GABRA4: variants seen among roughly 807,000 people sequenced by gnomAD.
GABRA4 encodes the protein gamma-aminobutyric acid receptor subunit alpha-4.
A neutral mutation model predicts 49.7 loss-of-function variants in GABRA4; 12 were observed. The observed-to-expected ratio is 0.24, with a 90% CI of 0.15 to 0.39. The LOEUF (loss-of-function observed/expected upper bound fraction) is 0.39, where lower values mean the gene tolerates loss of function less well. Among genes scored for constraint, GABRA4 ranks in the 10% least tolerant of loss-of-function variants. The probability of loss-of-function intolerance (pLI) is 1.00; values close to 1 mark genes in which losing one functional copy is unlikely to be tolerated. For synonymous variants in GABRA4, 288 were observed against 240.2 expected (o/e 1.20, Z -1.84); for missense variants, 506 against 686.0 (o/e 0.74, Z 2.93).
intron 8 of GABRA4, among the ~76,000 whole-genome samples, chr4:46,949,430 A>G (rs1553903567): frequency 6.6e-6 from 1 of 152,060 alleles, no homozygotes; most frequent in Admixed American, 6.6e-5. Flanking sequence ...AAGCAAGGAC[A>G]TTTTTTGTTC....
At chr4:46,943,761 G>A (rs1320839134) in intron 8 of GABRA4, among the ~76,000 whole-genome samples, 1 of 152,020 alleles carries the variant, frequency 6.6e-6, no homozygotes, top group African/African-American at 2.4e-5. Context: ...CTCTGCCTGA[G>A]GGACATACTG....
chr4:46,981,490 T>G (rs1300686002), intron 2 of GABRA4, among the ~76,000 whole-genome samples: 1 of 152,112 alleles, frequency 6.6e-6, no homozygotes, highest in Non-Finnish European at 1.5e-5. Context: ...GTCCTATGGA[T>G]CTTTGAGACT....
chr4:46,942,455 A>G (rs961107413), intron 8 of GABRA4, among the ~76,000 whole-genome samples: 1 of 151,976 alleles, frequency 6.6e-6, no homozygotes, highest in Non-Finnish European at 1.5e-5. Flanking sequence ...CCCCATCTCT[A>G]CTAAAAAATA....
intron 8 of GABRA4, among the ~76,000 whole-genome samples, chr4:46,947,489 T>C (rs1240422108): frequency 6.6e-6 from 1 of 151,394 alleles, no homozygotes; most frequent in Non-Finnish European, 1.5e-5. Context: ...GCAGCTGCAC[T>C]TAGTTAAATT....
chr4:46,944,476 T>G (rs1721915938), intron 8 of GABRA4, among the ~76,000 whole-genome samples: 1 of 152,062 alleles, frequency 6.6e-6, no homozygotes. Flanking sequence ...CAGTGCTTCT[T>G]GAGAACACCT....
intron 3 of GABRA4, 102 bp from the exon 4 acceptor site, chr4:46,977,732 A>G (rs1185526284): frequency 2.7e-6 from 2 of 728,706 alleles, no homozygotes; most frequent in Non-Finnish European, 4.5e-6. Context: ...TCATAAAAAA[A>G]TACCACTCCA....
chr4:46,989,335 G>A (rs1330062157), intron 2 of GABRA4, among the ~76,000 whole-genome samples: 1 of 152,162 alleles, frequency 6.6e-6, no homozygotes, highest in Non-Finnish European at 1.5e-5. Flanking sequence ...TGGCTCCTTT[G>A]TGGAAGGCTT....
At chr4:46,930,990 A>G (rs1214235218) in intron 8 of GABRA4, among the ~76,000 whole-genome samples, 2 of 151,920 alleles carry the variant, frequency 1.3e-5, no homozygotes, top group Non-Finnish European at 2.9e-5. Flanking sequence ...AACTGAAGAG[A>G]TGAAGTTGAG....
At chr4:46,934,423 C>T (rs568866062) in intron 8 of GABRA4, among the ~76,000 whole-genome samples, 19 of 152,162 alleles carry the variant, frequency 1.2e-4, no homozygotes, top group African/African-American at 3.4e-4. Flanking sequence ...TAACACATCC[C>T]CTCCAAATAA....
At chr4:46,986,824 T>G (rs963318514) in intron 2 of GABRA4, among the ~76,000 whole-genome samples, 7 of 152,232 alleles carry the variant, frequency 4.6e-5, no homozygotes, top group African/African-American at 1.7e-4. Flanking sequence ...TCAAAAACTT[T>G]GGAATCAGCT....
intron 2 of GABRA4, among the ~76,000 whole-genome samples, chr4:46,990,738 C>T (rs1723714007): frequency 6.6e-6 from 1 of 152,154 alleles, no homozygotes; most frequent in Admixed American, 6.5e-5. Context: ...TATTTTTGAT[C>T]TAAAATGGAA....
rs1721306264 is a variant in GABRA4, at chr4:46,928,327, A to G, written c.1563T>C (p.Tyr521=). 7.4e-6 allele frequency: 12 copies of G among 1,613,608 alleles called. No individual in the cohort carries two copies. The highest frequency in any genetic ancestry group is 9.3e-6 in the Non-Finnish European group (11 of 1,179,682). Residue 521 remains tyrosine (Y), a synonymous_variant, in exon 9 of 9, where the codon TAT becomes TAC. Transcript: ENST00000264318. ...ATGTGACTGGAAAGAGAATACGGGC[A>G]TATTTGTCTATTTTACTTGTGCCAG... The part of the protein sequence containing the change: ...SGSGTSKIDK[Y]ARILFPVTFG...
At chr4:46,933,885 T>G (rs1226805188) in intron 8 of GABRA4, among the ~76,000 whole-genome samples, 1 of 152,144 alleles carries the variant, frequency 6.6e-6, no homozygotes, top group African/African-American at 2.4e-5. Flanking sequence ...AGAAAAGAGA[T>G]GCAAGGTGGT....
Position 46,921,971 on chromosome 4 carries a change from T to C in GABRA4, c.*6254A>G, listed in dbSNP as rs1721050262. On this transcript the variant is annotated 3_prime_UTR_variant, in exon 9 of 9. Transcript: ENST00000264318. ...TATCCTGCGATGTTTCAAACAAAGATGGTTTGTTTGAAACCTCTGTAAGAT... is the reference window on the plus strand; with the variant it reads ...TATCCTGCGATGTTTCAAACAAAGACGGTTTGTTTGAAACCTCTGTAAGAT... 6.6e-6 allele frequency: 1 copy of C among 152,058 alleles called. No homozygotes were observed. The allele number at this position is 152,058 out of a possible 1,614,324, so 9.4% of individuals were successfully genotyped here. A position where few individuals can be genotyped will look rare whatever the true frequency, so the allele number is the denominator to read the frequency against.
chr4:46,980,581 AAAAAGTCTG>A (rs1407719091), intron 2 of GABRA4, among the ~76,000 whole-genome samples: 5 of 152,130 alleles, frequency 3.3e-5, no homozygotes, highest in Non-Finnish European at 7.4e-5. Context: ...ATAGTAAGAG[AAAAAGTCTG>A]AATCAGGCTT....
At chr4:46,967,429 G>T (rs1363991105) in intron 7 of GABRA4, among the ~76,000 whole-genome samples, 2 of 150,786 alleles carry the variant, frequency 1.3e-5, no homozygotes, top group African/African-American at 2.4e-5. Flanking sequence ...CTCTTATCAT[G>T]TGAATAAATG....
Position 46,920,211 on chromosome 4 carries a change from C to A in GABRA4, c.*8014G>T, listed in dbSNP as rs1178149067. ...TACTTCCCTCTAAGGAAGCTGTTTT[C>A]TATGGACTTCAAGTAATAATTTGTA... On this transcript the variant is annotated 3_prime_UTR_variant, in exon 9 of 9. Transcript: ENST00000264318. The A allele has an allele frequency of 1.3e-5, 2 of 151,632 alleles. No individual in the cohort carries two copies. The highest frequency in any genetic ancestry group is 4.8e-5 in the African/African-American group (2 of 41,414). 9.4% of individuals were successfully genotyped at this position (151,632 alleles called of 1,614,324 possible). A position where few individuals can be genotyped will look rare whatever the true frequency, so the allele number is the denominator to read the frequency against.
At chr4:46,937,470 C>CT (rs1721641273) in intron 8 of GABRA4, among the ~76,000 whole-genome samples, 1 of 152,184 alleles carries the variant, frequency 6.6e-6, no homozygotes, top group Non-Finnish European at 1.5e-5. Flanking sequence ...ACGTATCACT[C>CT]TTTCTTCTTT....
intron 8 of GABRA4, among the ~76,000 whole-genome samples, chr4:46,933,231 G>T (rs1721502932): frequency 6.6e-6 from 1 of 152,054 alleles, no homozygotes; most frequent in Non-Finnish European, 1.5e-5. Flanking sequence ...CACACAGTAG[G>T]CACCTATTTC....
Sources: allele counts gnomAD v4.1 joint callset (sites outside exome capture counted in the v4.1 genomes callset), GRCh38; gene constraint gnomAD v4.1.1; transcripts MANE v1.5; gene names NCBI Gene and HGNC (gene_info 2026-07-23, HGNC 2026-07-21).